CHD5: variants seen among roughly 807,000 people sequenced by gnomAD.
CHD5 encodes ATP-dependent chromatin remodeler CHD5.
Under a neutral mutation model 230.3 loss-of-function variants are expected in CHD5, and 69 were observed. The observed-to-expected ratio is 0.30, with a 90% CI of 0.25 to 0.37. The LOEUF (loss-of-function observed/expected upper bound fraction) is 0.37. Ranked by LOEUF, CHD5 falls within the 10% of genes least tolerant of loss-of-function variation. The probability of loss-of-function intolerance (pLI) is 1.00; values close to 1 mark genes in which losing one functional copy is unlikely to be tolerated. For missense variants in CHD5, 1,827 were observed against 2,622.8 expected (o/e 0.70, Z 6.63); for synonymous variants, 1,064 against 1,065.9 (o/e 1.00, Z 0.03).
intron 2 of CHD5, among the ~76,000 whole-genome samples, chr1:6,162,771 C>T (rs1557560857): frequency 6.6e-6 from 1 of 152,202 alleles, no homozygotes; most frequent in Non-Finnish European, 1.5e-5. Flanking sequence ...TTTTTGCTGT[C>T]GGGATTGGGC....
rs944766962 is a variant in CHD5 at position 6,165,525 on chromosome 1, C to G, written c.207+2625G>C. On this transcript the variant is annotated intron_variant, in intron 2 of 41. Transcript: ENST00000262450. ...GAGTCCCTGCCATGGACCACGAGGC[C>G]TCGGGGTCCTAAAATCCACATCACC... is the stretch of plus-strand genomic sequence containing the variant. Among the ~76,000 whole-genome samples, 112 of 152,222 alleles carry G rather than the reference C, an allele frequency of 7.4e-4. 1 individual carries two copies. Among genetic ancestry groups the G allele is most frequent in the African/African-American group, 2.4e-3 (101 of 41,520 alleles).
intron 2 of CHD5, among the ~76,000 whole-genome samples, chr1:6,162,017 C>T (rs531933863): frequency 1.9e-4 from 29 of 152,290 alleles, no homozygotes; most frequent in African/African-American, 7.0e-4. Context: ...GTCACTGTAG[C>T]GAGCTAAACC....
At chr1:6,120,212 T>C (rs1666446848) in intron 33 of CHD5, among the ~76,000 whole-genome samples, 1 of 152,156 alleles carries the variant, frequency 6.6e-6, no homozygotes, top group Admixed American at 6.5e-5. Context: ...ACAGACATTT[T>C]CTTCAAGCAC....
intron 38 of CHD5, 147 bp downstream of exon 38, chr1:6,109,648 T>C: frequency 1.4e-6 from 1 of 693,816 alleles, no homozygotes. Flanking sequence ...ACAGGACTGT[T>C]CCATCTTGGC....
chr1:6,163,859 G>A (rs1345627652), intron 2 of CHD5, among the ~76,000 whole-genome samples: 1 of 152,230 alleles, frequency 6.6e-6, no homozygotes, highest in Non-Finnish European at 1.5e-5. Flanking sequence ...CTTCGACCTT[G>A]GCACTGACCT....
chr1:6,179,907 C>T, intron 1 of CHD5, 38 bp downstream of exon 1: 1 of 1,182,892 alleles, frequency 8.5e-7, no homozygotes, highest in Admixed American at 3.1e-5. Flanking sequence ...TCGGCGCCCC[C>T]GCCGCTCTGG....
chr1:6,158,728 C>A (rs1441342339), intron 3 of CHD5, among the ~76,000 whole-genome samples: 1 of 152,200 alleles, frequency 6.6e-6, no homozygotes, highest in Non-Finnish European at 1.5e-5. Flanking sequence ...GAGATGGAGG[C>A]CGGGCGCGGT....
At position 6,142,076 on chromosome 1, in the gene CHD5, G is replaced by C; in HGVS notation, c.2436+52C>G. On this transcript the variant is annotated intron_variant, in intron 15 of 41. Coordinates refer to ENST00000262450, the MANE Select transcript of CHD5 (RefSeq NM_015557.3). This position sits in a 1 kb window ranked among gnomAD's most constrained non-coding sequence, Gnocchi z 5.2. ...GGAGTGCACGGCACCCGTGGTCCCT[G>C]AACTAGACCGGGGGCCTTCCTACCG... 1.3e-6 allele frequency: 2 copies of C among 1,538,716 alleles called. No homozygotes were observed. The highest frequency in any genetic ancestry group is 3.4e-5 in the Admixed American group (2 of 59,606).
At chr1:6,111,140 G>C (rs1425989576) in intron 36 of CHD5, among the ~76,000 whole-genome samples, 1 of 151,304 alleles carries the variant, frequency 6.6e-6, no homozygotes, top group South Asian at 2.1e-4. Context: ...TGAGGCAGAA[G>C]AATCACTTGA....
intron 33 of CHD5, among the ~76,000 whole-genome samples, chr1:6,117,142 G>T (rs7531562): frequency 0.046 from 6,960 of 151,788 alleles, 505 homozygotes; most frequent in African/African-American, 0.16. Flanking sequence ...AGAGATGGCA[G>T]GAAAAGAGAA....
chr1:6,149,183 G>T, intron 8 of CHD5, 63 bp downstream of exon 8: 1 of 1,492,632 alleles, frequency 6.7e-7, no homozygotes. Flanking sequence ...CCCAAATGAG[G>T]GCACAGGGGT....
chr1:6,154,641 C>A lies in CHD5; in HGVS notation c.745+19G>T. The A allele has an allele frequency of 6.5e-7, 1 of 1,534,610 alleles. No homozygotes were observed. Among genetic ancestry groups the A allele is most frequent in the South Asian group, 1.3e-5 (1 of 78,984 alleles). ...CCTCTTCCCAGCGGGACTAGGTGCC[C>A]ACCCAACCCCAGCCTTACCTTTGCC... On this transcript the variant is annotated intron_variant, in intron 5 of 41. Coordinates refer to ENST00000262450, the MANE Select transcript of CHD5 (RefSeq NM_015557.3). The surrounding 1 kb of genome is among the most constrained non-coding windows in gnomAD (Gnocchi z 7.0).
At chr1:6,123,770 A>T (rs1329517170) in intron 31 of CHD5, among the ~76,000 whole-genome samples, 178 bp downstream of exon 31, 1 of 152,118 alleles carries the variant, frequency 6.6e-6, no homozygotes, top group Non-Finnish European at 1.5e-5. Context: ...TATATAAATT[A>T]TATCTCGTAA....
Position 6,129,613 on chromosome 1 carries a change from CAT to C in CHD5, c.3388-546_3388-545del, listed in dbSNP as rs923884836. ...CTGTGTATGTGCATGGGCGCACACA[CAT>C]GTGAATGAGACATCAATTTGTATGT... On this transcript the variant is annotated intron_variant, in intron 22 of 41. Coordinates refer to ENST00000262450, the MANE Select transcript of CHD5 (RefSeq NM_015557.3). This position sits in a 1 kb window ranked among gnomAD's most constrained non-coding sequence, Gnocchi z 6.8. Among the ~76,000 whole-genome samples, 1 of 152,184 alleles carries C rather than the reference CAT, an allele frequency of 6.6e-6. No homozygotes were observed. The highest frequency in any genetic ancestry group is 2.4e-5 in the African/African-American group (1 of 41,432).
At position 6,146,678 on chromosome 1, in the gene CHD5, A is replaced by G. The variant is rs766524187; in HGVS notation, c.1577T>C (p.Val526Ala). The change falls in exon 10 of 42, where the codon GTG becomes GCG. Residue 526 changes from valine (V) to alanine (A), a missense_variant. Val to Ala is a moderately conservative substitution (Grantham distance 64, BLOSUM62 0). This residue lies in a region of CHD5 where 657 missense variants were observed against 816.4 expected (regional missense o/e 0.80). Coordinates refer to ENST00000262450, the MANE Select transcript of CHD5 (RefSeq NM_015557.3). This position sits in a 1 kb window ranked among gnomAD's most constrained non-coding sequence, Gnocchi z 5.1. ...AGLSYWHCSW[V>A]KELQLELYHT... is the part of the protein sequence containing the mutation. ...CCGGGCACTCACCTGTAGCTCCTTCACCCAGGAGCAATGCCAGTAGGACAG... is the reference window on the plus strand; with the variant it reads ...CCGGGCACTCACCTGTAGCTCCTTCGCCCAGGAGCAATGCCAGTAGGACAG... The G allele has an allele frequency of 1.2e-6, 2 of 1,613,842 alleles. No homozygotes were observed. The highest frequency in any genetic ancestry group is 2.2e-5 in the South Asian group (2 of 91,078).
At chr1:6,150,309 A>G (rs1666982636) in intron 7 of CHD5, among the ~76,000 whole-genome samples, 1 of 147,440 alleles carries the variant, frequency 6.8e-6, no homozygotes, top group South Asian at 2.3e-4. Flanking sequence ...GGATGAATGG[A>G]CAAGTGGATG....
Position 6,110,365 on chromosome 1 carries a change from G to C in CHD5, c.5382+29C>G, listed in dbSNP as rs111739627. On this transcript the variant is annotated intron_variant, in intron 37 of 41. Coordinates refer to ENST00000262450, the MANE Select transcript of CHD5 (RefSeq NM_015557.3). ...TCCTGACACCGTCCCTCCCTGCCCC[G>C]TGCAGCCCTGGCCCTTCAGAAGACA... 650 of 498,888 alleles carry C rather than the reference G, an allele frequency of 1.3e-3. 1 individual carries two copies. The African/African-American group carries it at 0.031, about 24-fold the overall frequency. 30.9% of individuals were successfully genotyped at this position (498,888 alleles called of 1,614,324 possible). A position where few individuals can be genotyped will look rare whatever the true frequency, so the allele number is the denominator to read the frequency against.
Position 6,155,571 on chromosome 1 carries a change from T to C in CHD5, c.506+28A>G, listed in dbSNP as rs1453173939. ...GGTACCACCAGAGGATGTGCGGGCC[T>C]GGAGAACAGCCCTAGTGCCCCGCCC... On this transcript the variant is annotated intron_variant, in intron 4 of 41. Coordinates refer to ENST00000262450, the MANE Select transcript of CHD5 (RefSeq NM_015557.3). The surrounding 1 kb of genome is among the most constrained non-coding windows in gnomAD (Gnocchi z 4.0). 4.5e-6 allele frequency: 7 copies of C among 1,572,376 alleles called. 1 individual carries two copies. Among genetic ancestry groups the C allele is most frequent in the Middle Eastern group, 3.3e-4 (2 of 5,978 alleles).
Position 6,134,667 on chromosome 1 carries a change from AC to A in CHD5, c.3012+50del, listed in dbSNP as rs1352494444. 6.3e-7 allele frequency: 1 copy of A among 1,579,524 alleles called. No homozygotes were observed. Among genetic ancestry groups the A allele is most frequent in the African/African-American group, 1.7e-5 (1 of 58,016 alleles). ...GGGACCTACCATGGCGGCCACAGGCACCTACCATGGCGGTCATGGAGAAGCT... is the reference window on the plus strand; with the variant it reads ...GGGACCTACCATGGCGGCCACAGGCACTACCATGGCGGTCATGGAGAAGCT... On this transcript the variant is annotated intron_variant, in intron 19 of 41. Coordinates refer to ENST00000262450, the MANE Select transcript of CHD5 (RefSeq NM_015557.3). This position sits in a 1 kb window ranked among gnomAD's most constrained non-coding sequence, Gnocchi z 6.3.
Sources: allele counts gnomAD v4.1 joint callset (sites outside exome capture counted in the v4.1 genomes callset), GRCh38; gene constraint gnomAD v4.1.1; regional missense constraint gnomAD v4.1.1; non-coding constraint Gnocchi (gnomAD v3.1); transcripts MANE v1.5; gene names NCBI Gene and HGNC (gene_info 2026-07-23, HGNC 2026-07-21).